NKAIN3: variants seen among roughly 807,000 people sequenced by gnomAD.
The protein encoded by NKAIN3 is sodium/potassium-transporting ATPase subunit beta-1-interacting protein 3.
Under a neutral mutation model 30.2 loss-of-function variants are expected in NKAIN3, and 25 were observed. The ratio of observed to expected loss-of-function variants is 0.83; its 90% CI spans 0.60 to 1.16. NKAIN3 has a LOEUF of 1.16. NKAIN3 is among the 50% of genes most tolerant of loss of function. The probability of loss-of-function intolerance (pLI) is 0.00; values close to 1 mark genes in which losing one functional copy is unlikely to be tolerated. For synonymous variants in NKAIN3, 91 were observed against 89.6 expected (o/e 1.02, Z -0.09); for missense variants, 225 against 254.1 (o/e 0.89, Z 0.78).
chr8:62,400,701 GT>G (rs59358606), intron 1 of NKAIN3, among the ~76,000 whole-genome samples: 209 of 148,452 alleles, frequency 1.4e-3, no homozygotes, highest in Middle Eastern at 7.1e-3. Context: ...AAAGTTAACA[GT>G]TTTTTTTTTT....
At chr8:62,818,620 C>G (rs920130833) in intron 4 of NKAIN3, among the ~76,000 whole-genome samples, 1 of 152,006 alleles carries the variant, frequency 6.6e-6, no homozygotes, top group East Asian at 1.9e-4. Context: ...CTACATTAAG[C>G]CCTGGAATAT....
intron 1 of NKAIN3, chr8:62,383,380 A>G (rs956695074): frequency 2.7e-6 from 1 of 364,356 alleles, no homozygotes; most frequent in African/African-American, 2.1e-5. Context: ...GTATTTGCAA[A>G]CAAGTGGAGT....
chr8:62,650,571 T>C (rs1311358787), intron 3 of NKAIN3, among the ~76,000 whole-genome samples: 1 of 152,208 alleles, frequency 6.6e-6, no homozygotes, highest in Non-Finnish European at 1.5e-5. Flanking sequence ...GAGGATGAGA[T>C]GGGTTTTAGT....
Position 62,867,748 on chromosome 8 carries a change from C to T in NKAIN3, c.472-50705C>T, listed in dbSNP as rs747099661. On this transcript the variant is annotated intron_variant, in intron 4 of 6. Coordinates refer to ENST00000623646, the MANE Select transcript of NKAIN3 (RefSeq NM_001304533.3). ...TGAATCCAATAGCCTAGCGTTTAACCGATACATTTAAAGCAGCATATGACA... is the reference window on the plus strand; with the variant it reads ...TGAATCCAATAGCCTAGCGTTTAACTGATACATTTAAAGCAGCATATGACA... 1.1e-4 allele frequency among the ~76,000 whole-genome samples: 17 copies of T among 152,286 alleles called. No individual in the cohort carries two copies. The East Asian group carries it at 1.4e-3, about 12-fold the overall frequency.
At chr8:62,618,556 T>C (rs1469796155) in intron 3 of NKAIN3, among the ~76,000 whole-genome samples, 1 of 151,656 alleles carries the variant, frequency 6.6e-6, no homozygotes, top group African/African-American at 2.4e-5. Context: ...TTCCCATGTG[T>C]TTATTTGTTT....
At chr8:62,314,025 T>C (rs1303393247) in intron 1 of NKAIN3, among the ~76,000 whole-genome samples, 1 of 152,156 alleles carries the variant, frequency 6.6e-6, no homozygotes, top group Non-Finnish European at 1.5e-5. Context: ...TTTCTCCTGA[T>C]AATCATCTCT....
At chr8:62,492,831 T>G (rs1201801269) in intron 1 of NKAIN3, among the ~76,000 whole-genome samples, 1 of 152,122 alleles carries the variant, frequency 6.6e-6, no homozygotes, top group African/African-American at 2.4e-5. Context: ...CTTTGAAGAA[T>G]TGTCACATTT....
chr8:62,914,597 T>C (rs1382496077), intron 4 of NKAIN3, among the ~76,000 whole-genome samples: 1 of 152,196 alleles, frequency 6.6e-6, no homozygotes, highest in Non-Finnish European at 1.5e-5. Context: ...AGATTGATGA[T>C]CGTAGTTTTC....
At chr8:62,721,694 T>G (rs1815097775) in intron 3 of NKAIN3, among the ~76,000 whole-genome samples, 1 of 152,202 alleles carries the variant, frequency 6.6e-6, no homozygotes, top group Non-Finnish European at 1.5e-5. Context: ...GAGATCTTGA[T>G]AACCTAGTGA....
At chr8:62,635,399 G>A (rs1374159839) in intron 3 of NKAIN3, among the ~76,000 whole-genome samples, 1 of 152,140 alleles carries the variant, frequency 6.6e-6, no homozygotes, top group Non-Finnish European at 1.5e-5. Flanking sequence ...GTCAAATCCT[G>A]TGCTTCTTAA....
At chr8:62,397,234 C>G (rs1248664710) in intron 1 of NKAIN3, among the ~76,000 whole-genome samples, 6 of 150,212 alleles carry the variant, frequency 4.0e-5, no homozygotes, top group African/African-American at 1.5e-4. Context: ...TTTATCATCC[C>G]ATTTGTGCCT....
At chr8:62,864,643 G>A (rs1338490906) in intron 4 of NKAIN3, among the ~76,000 whole-genome samples, 2 of 152,164 alleles carry the variant, frequency 1.3e-5, no homozygotes, top group Non-Finnish European at 2.9e-5. Flanking sequence ...AGAACCTGTG[G>A]CCTGCAGCTC....
chr8:62,485,273 T>A (rs1806863299), intron 1 of NKAIN3, among the ~76,000 whole-genome samples: 1 of 152,220 alleles, frequency 6.6e-6, no homozygotes, highest in East Asian at 1.9e-4. Context: ...GTAAATGTTC[T>A]TAAGATCCAT....
At chr8:62,684,393 A>T (rs1015498096) in intron 3 of NKAIN3, among the ~76,000 whole-genome samples, 4 of 152,092 alleles carry the variant, frequency 2.6e-5, no homozygotes, top group African/African-American at 9.7e-5. Context: ...TCCCTTCCAC[A>T]CCCTAACAAA....
chr8:62,604,889 A>G (rs1331865076), intron 3 of NKAIN3, among the ~76,000 whole-genome samples: 1 of 152,120 alleles, frequency 6.6e-6, no homozygotes, highest in East Asian at 1.9e-4. Context: ...TGATGGCAGA[A>G]GTTTCTGGTT....
At chr8:62,519,353 T>C (rs1808087175) in intron 1 of NKAIN3, among the ~76,000 whole-genome samples, 1 of 152,132 alleles carries the variant, frequency 6.6e-6, no homozygotes, top group Non-Finnish European at 1.5e-5. Flanking sequence ...CAAATTCACT[T>C]TCCATGACTC....
At chr8:62,475,683 A>G (rs925061631) in intron 1 of NKAIN3, among the ~76,000 whole-genome samples, 2 of 152,182 alleles carry the variant, frequency 1.3e-5, no homozygotes, top group African/African-American at 2.4e-5. Context: ...ACAAGATCCT[A>G]CAAGTGATTC....
chr8:62,634,663 G>T (rs1224088075), intron 3 of NKAIN3, among the ~76,000 whole-genome samples: 2 of 152,164 alleles, frequency 1.3e-5, no homozygotes, highest in East Asian at 1.9e-4. Context: ...GGCTCTGCAG[G>T]GACAGCTAGG....
Position 62,873,189 on chromosome 8 carries a change from T to C in NKAIN3, c.472-45264T>C, listed in dbSNP as rs550111166. ...AGCAAAAAAGTGGCAGTTGCAATTG[T>C]AGTCTCTGACAAAACAGACTTTAAA... On this transcript the variant is annotated intron_variant, in intron 4 of 6. Coordinates refer to ENST00000623646, the MANE Select transcript of NKAIN3 (RefSeq NM_001304533.3). Among the ~76,000 whole-genome samples the C allele has an allele frequency of 7.9e-5, 12 of 152,186 alleles. No individual in the cohort carries two copies. The South Asian group carries it at 2.1e-3, about 26-fold the overall frequency.
Sources: allele counts gnomAD v4.1 joint callset (sites outside exome capture counted in the v4.1 genomes callset), GRCh38; gene constraint gnomAD v4.1.1; transcripts MANE v1.5; gene names NCBI Gene and HGNC (gene_info 2026-07-23, HGNC 2026-07-21).